The following BEND5 variants were observed in gnomAD, a reference collection of about 807,000 sequenced individuals.
BEND5 encodes the protein BEN domain containing 5.
Under a neutral mutation model 43.9 loss-of-function variants are expected in BEND5, and 22 were observed. The observed-to-expected ratio is 0.50, with a 90% confidence interval of 0.36 to 0.72. BEND5 has a LOEUF of 0.72. Among genes scored for constraint, BEND5 ranks in the 30% least tolerant of loss-of-function variants. The pLI, the probability that BEND5 is intolerant of heterozygous loss-of-function variation, is 0.00. For synonymous variants in BEND5, 228 were observed against 225.9 expected (o/e 1.01, Z -0.08); for missense variants, 428 against 550.6 (o/e 0.78, Z 2.23).
At chr1:48,747,858 G>C (rs899882293) in intron 3 of BEND5, among the ~76,000 whole-genome samples, 3 of 152,120 alleles carry the variant, frequency 2.0e-5, no homozygotes, top group Non-Finnish European at 4.4e-5. Flanking sequence ...TATGTGTTTG[G>C]ACACTAAATA....
intron 1 of BEND5, among the ~76,000 whole-genome samples, chr1:48,770,965 G>A (rs188556635): frequency 1.3e-5 from 2 of 152,264 alleles, no homozygotes; most frequent in African/African-American, 4.8e-5. Flanking sequence ...CACCTACAGT[G>A]TTCACTAAAC....
intron 3 of BEND5, among the ~76,000 whole-genome samples, chr1:48,752,885 G>T (rs1651966403): frequency 6.6e-6 from 1 of 152,078 alleles, no homozygotes; most frequent in Non-Finnish European, 1.5e-5. Flanking sequence ...GAGTAGCTGG[G>T]ACTACAGGCA....
At chr1:48,758,301 A>G (rs1280148750) in intron 3 of BEND5, among the ~76,000 whole-genome samples, 1 of 152,106 alleles carries the variant, frequency 6.6e-6, no homozygotes, top group Non-Finnish European at 1.5e-5. Flanking sequence ...CTCAAAGCAC[A>G]TTTGCATTAT....
chr1:48,767,741 T>C (rs936590115), intron 1 of BEND5, among the ~76,000 whole-genome samples: 3 of 152,210 alleles, frequency 2.0e-5, no homozygotes, highest in African/African-American at 7.2e-5. Flanking sequence ...TCAGTTTTAG[T>C]GTAAACAAAA....
intron 3 of BEND5, among the ~76,000 whole-genome samples, chr1:48,749,395 G>A (rs1344027547): frequency 1.3e-5 from 2 of 152,086 alleles, no homozygotes; most frequent in South Asian, 2.1e-4. Context: ...CGTGTTTAGC[G>A]AAAGAAGTTA....
chr1:48,752,670 T>G (rs1230887417), intron 3 of BEND5, among the ~76,000 whole-genome samples: 1 of 152,224 alleles, frequency 6.6e-6, no homozygotes, highest in Non-Finnish European at 1.5e-5. Flanking sequence ...CATCTTCAAA[T>G]GATTCTATAT....
intron 1 of BEND5, among the ~76,000 whole-genome samples, chr1:48,771,454 T>C (rs1015703002): frequency 1.3e-5 from 2 of 152,246 alleles, no homozygotes; most frequent in African/African-American, 2.4e-5. Context: ...AAGCACTCTG[T>C]AGCACATACT....
At chr1:48,771,023 C>T (rs1644799292) in intron 1 of BEND5, among the ~76,000 whole-genome samples, 1 of 152,208 alleles carries the variant, frequency 6.6e-6, no homozygotes, top group Non-Finnish European at 1.5e-5. Flanking sequence ...AAATCTCTAT[C>T]TCACAAGGAT....
At chr1:48,748,825 G>C (rs1366102376) in intron 3 of BEND5, among the ~76,000 whole-genome samples, 1 of 152,074 alleles carries the variant, frequency 6.6e-6, no homozygotes, top group African/African-American at 2.4e-5. Context: ...GAGTAGTGAG[G>C]CCGGGGTTCT....
Position 48,769,570 on chromosome 1 carries a change from C to CACACA in BEND5, c.226+7035_226+7036insTGTGT, listed in dbSNP as rs34256470. 8.9e-3 allele frequency among the ~76,000 whole-genome samples: 1,270 copies of CACACA among 142,334 alleles called. 14 individuals are homozygous for CACACA. The highest frequency in any genetic ancestry group is 0.027 in the African/African-American group (928 of 34,370). 93.4% of individuals were successfully genotyped at this position (142,334 alleles called of 152,430 possible). The stretch of plus-strand genomic sequence containing the variant: ...ACACACACACACACACACACACACA[C>CACACA]AAGTTAAATTTTAAACTTGTATGCT... On this transcript the variant is annotated intron_variant, in intron 1 of 5. Transcript: ENST00000371833.
chr1:48,748,686 A>T (rs1481067291), intron 3 of BEND5, among the ~76,000 whole-genome samples: 2 of 152,166 alleles, frequency 1.3e-5, no homozygotes, highest in Admixed American at 1.3e-4. Flanking sequence ...CAAAGGGTGC[A>T]ATGTGATGAT....
intron 5 of BEND5, among the ~76,000 whole-genome samples, chr1:48,732,397 A>G (rs757042969): frequency 2.0e-5 from 3 of 152,248 alleles, no homozygotes; most frequent in African/African-American, 4.8e-5. Context: ...TTTATTGAGC[A>G]CTTACTATAG....
At position 48,748,720 on chromosome 1, in the gene BEND5, G is replaced by C. The variant is rs576775165; in HGVS notation, c.746-5949C>G. Among the ~76,000 whole-genome samples the C allele has an allele frequency of 9.2e-5, 14 of 152,198 alleles. No homozygotes were observed. The South Asian group carries it at 2.5e-3, about 27-fold the overall frequency. On this transcript the variant is annotated intron_variant, in intron 3 of 5. Coordinates refer to ENST00000371833, the MANE Select transcript of BEND5 (RefSeq NM_024603.4). ...ATCTGCATGAATTTGGGGAGGGGGA[G>C]ATCACTGCCGGTTAAGGGATCCTAG...
At chr1:48,732,123 G>C (rs1648234605) in intron 5 of BEND5, among the ~76,000 whole-genome samples, 1 of 152,090 alleles carries the variant, frequency 6.6e-6, no homozygotes, top group South Asian at 2.1e-4. Context: ...GATGGGTAGT[G>C]AGGGATGTGG....
At chr1:48,731,355 G>A (rs913021518) in intron 5 of BEND5, among the ~76,000 whole-genome samples, 2 of 152,166 alleles carry the variant, frequency 1.3e-5, no homozygotes, top group Non-Finnish European at 2.9e-5. Context: ...AGTTCAGCTT[G>A]GCTGTCTCTA....
chr1:48,769,889 G>A (rs1439359996), intron 1 of BEND5, among the ~76,000 whole-genome samples: 1 of 152,154 alleles, frequency 6.6e-6, no homozygotes, highest in Non-Finnish European at 1.5e-5. Flanking sequence ...TTTTAACCCA[G>A]ACTATGTAAC....
At chr1:48,728,732 G>A (rs1647615412) in intron 5 of BEND5, among the ~76,000 whole-genome samples, 1 of 152,230 alleles carries the variant, frequency 6.6e-6, no homozygotes, top group Admixed American at 6.5e-5. Flanking sequence ...ATGTTAAGAT[G>A]TGTGCATATT....
chr1:48,775,191 T>C (rs1462845704), intron 1 of BEND5, among the ~76,000 whole-genome samples: 1 of 152,220 alleles, frequency 6.6e-6, no homozygotes, highest in Non-Finnish European at 1.5e-5. Flanking sequence ...TGGGTGGGCC[T>C]ACACTTCGGT....
chr1:48,747,421 A>T (rs1302713450), intron 3 of BEND5, among the ~76,000 whole-genome samples: 1 of 152,236 alleles, frequency 6.6e-6, no homozygotes, highest in Non-Finnish European at 1.5e-5. Context: ...GAACCCATTC[A>T]TCACACAACC....
Sources: gnomAD v4.1 joint callset for allele counts (sites outside exome capture counted in the v4.1 genomes callset) on GRCh38, gnomAD v4.1.1 for gene constraint, MANE v1.5 for transcripts, NCBI Gene and HGNC (gene_info 2026-07-23, HGNC 2026-07-21) for gene names.